Variants in TTC28 observed in about 807,000 individuals in gnomAD.
TTC28 encodes the protein tetratricopeptide repeat protein 28.
TTC28 carries 61 observed loss-of-function variants against 198.0 expected under a neutral mutation model. That is an observed-to-expected ratio of 0.31 (90% confidence interval 0.25 to 0.38). The LOEUF (loss-of-function observed/expected upper bound fraction) is 0.38, where lower values mean the gene tolerates loss of function less well. Ranked by LOEUF, TTC28 falls within the 10% of genes least tolerant of loss-of-function variation. The probability of loss-of-function intolerance (pLI) is 1.00; values close to 1 mark genes in which losing one functional copy is unlikely to be tolerated. For synonymous variants in TTC28, 1,171 were observed against 1,297.8 expected, an observed-to-expected ratio of 0.90 and a Z score of 2.10; for missense variants, 2,678 against 3,164.0, an observed-to-expected ratio of 0.85 and a Z score of 3.69.
intron 2 of TTC28, among the ~76,000 whole-genome samples, chr22:28,334,158 A>G (rs1269083824): frequency 2.0e-5 from 3 of 151,964 alleles, no homozygotes; most frequent in Non-Finnish European, 4.4e-5. Context: ...AGCTTCATCC[A>G]TGTCCCTACA....
In TTC28 at chr22:28,005,989, A is replaced by G. The variant is rs1937915734; in HGVS notation, c.4219-4436T>C. Among the ~76,000 whole-genome samples the G allele has an allele frequency of 6.6e-6, 1 of 152,214 alleles. No individual in the cohort carries two copies. The highest frequency in any genetic ancestry group is 2.1e-4 in the South Asian group (1 of 4,828). ...TTCTCAATACTAAACATCCGTGGTT[A>G]GTCTACGGTGTGGTTTCTGTCTCCA... On this transcript the variant is annotated intron_variant, in intron 14 of 22. Coordinates refer to ENST00000397906, the MANE Select transcript of TTC28 (RefSeq NM_001145418.2). The surrounding 1 kb of genome is among the most constrained non-coding windows in gnomAD (Gnocchi z 4.9).
intron 2 of TTC28, among the ~76,000 whole-genome samples, chr22:28,340,065 A>C (rs1487508624): frequency 6.6e-6 from 1 of 152,164 alleles, no homozygotes; most frequent in Non-Finnish European, 1.5e-5. Flanking sequence ...CCTCTAGTTC[A>C]ATCATAATCA....
intron 2 of TTC28, among the ~76,000 whole-genome samples, chr22:28,490,817 C>T (rs2346397): frequency 0.67 from 102,346 of 151,962 alleles, 34,696 homozygotes; most frequent in South Asian, 0.8. Context: ...TAACTTAATA[C>T]TTCTCTAGTC....
chr22:28,562,991 C>T (rs1046967250), intron 2 of TTC28, among the ~76,000 whole-genome samples: 10 of 151,984 alleles, frequency 6.6e-5, no homozygotes, highest in African/African-American at 2.4e-4. Context: ...GGTGTGGTGG[C>T]GTGTACCTGT....
intron 15 of TTC28, chr22:28,000,619 C>G (rs561461862): frequency 6.6e-6 from 1 of 152,278 alleles, no homozygotes; most frequent in African/African-American, 2.4e-5. Flanking sequence ...GAGTGCCAGG[C>G]GGGTGCGGAG....
At chr22:28,312,179 T>C (rs112349932) in intron 2 of TTC28, among the ~76,000 whole-genome samples, 107 of 152,152 alleles carry the variant, frequency 7.0e-4, no homozygotes, top group African/African-American at 2.4e-3. Context: ...CCTAAATATA[T>C]ATGCAACCAA....
At chr22:28,022,275 C>A (rs1938641506) in intron 13 of TTC28, among the ~76,000 whole-genome samples, 1 of 152,238 alleles carries the variant, frequency 6.6e-6, no homozygotes, top group Non-Finnish European at 1.5e-5. Context: ...TCTGTGAAGA[C>A]CCTGTCCCCA....
intron 2 of TTC28, among the ~76,000 whole-genome samples, chr22:28,530,209 T>C (rs2049102618): frequency 6.6e-6 from 1 of 152,064 alleles, no homozygotes; most frequent in Non-Finnish European, 1.5e-5. Flanking sequence ...GTAGAGAAGA[T>C]GTTAAATGAC....
intron 2 of TTC28, among the ~76,000 whole-genome samples, chr22:28,605,280 A>T (rs554261554): frequency 6.6e-6 from 1 of 152,340 alleles, no homozygotes; most frequent in African/African-American, 2.4e-5. Flanking sequence ...AAACTCTTAG[A>T]TAAGAAATTC....
chr22:28,527,342 C>T (rs1222865350), intron 2 of TTC28, among the ~76,000 whole-genome samples: 2 of 152,182 alleles, frequency 1.3e-5, no homozygotes, highest in African/African-American at 4.8e-5. Context: ...ATGAACACCA[C>T]ATACTCCAGG....
intron 2 of TTC28, among the ~76,000 whole-genome samples, chr22:28,366,533 G>A (rs2046250047): frequency 6.6e-6 from 1 of 152,086 alleles, no homozygotes; most frequent in African/African-American, 2.4e-5. Flanking sequence ...TCTGTCTATA[G>A]TGTTACAGTG....
At chr22:28,604,113 A>G (rs1271633658) in intron 2 of TTC28, among the ~76,000 whole-genome samples, 1 of 151,362 alleles carries the variant, frequency 6.6e-6, no homozygotes, top group Non-Finnish European at 1.5e-5. Flanking sequence ...CCCCATCTCT[A>G]CTAAAAATAC....
At chr22:28,204,092 C>T (rs1013346257) in intron 5 of TTC28, among the ~76,000 whole-genome samples, 6 of 152,092 alleles carry the variant, frequency 3.9e-5, no homozygotes, top group African/African-American at 1.4e-4. Context: ...CTTCCCCTTC[C>T]CATAGGGGCA....
chr22:28,626,873 T>C (rs569601818), intron 2 of TTC28, among the ~76,000 whole-genome samples: 1 of 152,032 alleles, frequency 6.6e-6, no homozygotes, highest in Non-Finnish European at 1.5e-5. Context: ...AGGGTGATTA[T>C]TTTTTGTCTA....
chr22:28,034,694 CA>C (rs1308363160), intron 12 of TTC28, among the ~76,000 whole-genome samples: 2 of 152,134 alleles, frequency 1.3e-5, no homozygotes, highest in African/African-American at 2.4e-5. Flanking sequence ...GGCAAAAGGT[CA>C]AAGTCAGTAC....
At chr22:28,427,467 A>G (rs1464356879) in intron 2 of TTC28, among the ~76,000 whole-genome samples, 1 of 152,122 alleles carries the variant, frequency 6.6e-6, no homozygotes, top group Non-Finnish European at 1.5e-5. Context: ...CCTGCCTAAC[A>G]TGGCGAAACC....
chr22:28,339,739 A>G (rs2045797668), intron 2 of TTC28, among the ~76,000 whole-genome samples: 1 of 152,180 alleles, frequency 6.6e-6, no homozygotes, highest in Admixed American at 6.5e-5. Context: ...GACCGTTGGA[A>G]AAGCGTAGTA....
At chr22:28,381,779 A>G (rs1478727045) in intron 2 of TTC28, among the ~76,000 whole-genome samples, 3 of 152,152 alleles carry the variant, frequency 2.0e-5, no homozygotes, top group East Asian at 3.8e-4. Context: ...TCTTCTGCCA[A>G]AGAAAACTGC....
At chr22:28,507,526 A>G (rs1363505352) in intron 2 of TTC28, among the ~76,000 whole-genome samples, 1 of 152,218 alleles carries the variant, frequency 6.6e-6, no homozygotes, top group Non-Finnish European at 1.5e-5. Flanking sequence ...CTAGCAAGAC[A>G]GGCCAACATT....
Sources: allele counts gnomAD v4.1 joint callset (sites outside exome capture counted in the v4.1 genomes callset), GRCh38; gene constraint gnomAD v4.1.1; non-coding constraint Gnocchi (gnomAD v3.1); transcripts MANE v1.5; gene names NCBI Gene and HGNC (gene_info 2026-07-23, HGNC 2026-07-21).